The following RABGAP1L variants were observed in gnomAD, a reference collection of about 807,000 sequenced individuals.
The protein encoded by RABGAP1L is RAB GTPase activating protein 1 like.
A neutral mutation model predicts 137.7 loss-of-function variants in RABGAP1L; 63 were observed. The observed-to-expected ratio is 0.46, with a 90% CI of 0.37 to 0.56. The LOEUF (loss-of-function observed/expected upper bound fraction) is 0.56. Ranked by LOEUF, RABGAP1L falls within the 20% of genes least tolerant of loss-of-function variation. The probability of loss-of-function intolerance (pLI) is 0.00; values close to 1 mark genes in which losing one functional copy is unlikely to be tolerated. For missense variants in RABGAP1L, 1,095 were observed against 1,244.0 expected, an observed-to-expected ratio of 0.88 and a Z score of 1.80; for synonymous variants, 431 against 433.7, an observed-to-expected ratio of 0.99 and a Z score of 0.08.
At chr1:174,546,886 C>T (rs914885722) in intron 13 of RABGAP1L, among the ~76,000 whole-genome samples, 97 of 151,260 alleles carry the variant, frequency 6.4e-4, no homozygotes, top group African/African-American at 2.0e-3. Context: ...AAAAATTAGC[C>T]GGGCGTGGTG....
chr1:174,564,946 A>T (rs1270523211), intron 13 of RABGAP1L, among the ~76,000 whole-genome samples: 1 of 152,186 alleles, frequency 6.6e-6, no homozygotes, highest in Non-Finnish European at 1.5e-5. Flanking sequence ...AAGTTATTTT[A>T]TAATATCATG....
intron 19 of RABGAP1L, among the ~76,000 whole-genome samples, chr1:174,838,759 T>TA (rs1401105491): frequency 6.7e-6 from 1 of 150,002 alleles, no homozygotes; most frequent in Non-Finnish European, 1.5e-5. Flanking sequence ...CTACTAAAAA[T>TA]ACAAAAAATT....
chr1:174,891,859 G>A (rs913952018), intron 19 of RABGAP1L, among the ~76,000 whole-genome samples: 4 of 152,034 alleles, frequency 2.6e-5, no homozygotes, highest in African/African-American at 7.2e-5. Flanking sequence ...ATAATATGTT[G>A]ACTATAGAAA....
intron 13 of RABGAP1L, among the ~76,000 whole-genome samples, chr1:174,415,125 T>G (rs1399801375): frequency 6.6e-6 from 1 of 152,156 alleles, no homozygotes; most frequent in Admixed American, 6.5e-5. Flanking sequence ...ATTAATATAT[T>G]GTTCTTTTAA....
intron 19 of RABGAP1L, among the ~76,000 whole-genome samples, chr1:174,909,259 TGTCACC>T (rs1659661677): frequency 6.6e-6 from 1 of 152,072 alleles, no homozygotes. Context: ...GGTCTTACTC[TGTCACC>T]CAGGCTTGAG....
chr1:174,438,873 T>C (rs1319443403), intron 13 of RABGAP1L, among the ~76,000 whole-genome samples: 1 of 150,910 alleles, frequency 6.6e-6, no homozygotes, highest in Non-Finnish European at 1.5e-5. Flanking sequence ...CTACTTTAAA[T>C]GATTTATTGT....
intron 19 of RABGAP1L, among the ~76,000 whole-genome samples, chr1:174,914,020 A>C (rs1194876456): frequency 6.6e-6 from 1 of 152,224 alleles, no homozygotes; most frequent in Non-Finnish European, 1.5e-5. Context: ...TTGTTGCATA[A>C]ATTTTTCTGC....
At chr1:174,860,911 ATG>A (rs544565025) in intron 19 of RABGAP1L, among the ~76,000 whole-genome samples, 15 of 151,016 alleles carry the variant, frequency 9.9e-5, no homozygotes, top group African/African-American at 2.4e-4. Flanking sequence ...CATATAGTTA[ATG>A]TGTGTGTGTG....
chr1:174,225,544 A>G (rs1185784835), intron 3 of RABGAP1L, among the ~76,000 whole-genome samples: 3 of 148,354 alleles, frequency 2.0e-5, no homozygotes, highest in Non-Finnish European at 4.4e-5. Context: ...GGTTGTGTCC[A>G]AACTGCAAGA....
At chr1:174,787,169 G>A (rs1312500991) in intron 18 of RABGAP1L, among the ~76,000 whole-genome samples, 4 of 152,088 alleles carry the variant, frequency 2.6e-5, no homozygotes, top group Admixed American at 6.5e-5. Flanking sequence ...TTGGGAGGCC[G>A]AGGTGGGTGG....
At chr1:174,890,600 A>G (rs1468974473) in intron 19 of RABGAP1L, among the ~76,000 whole-genome samples, 1 of 152,240 alleles carries the variant, frequency 6.6e-6, no homozygotes, top group African/African-American at 2.4e-5. Context: ...ATGAAATGAT[A>G]TCCAGTGAAG....
rs1228596726 is a variant in RABGAP1L, at chr1:174,631,617, T to C, written c.1711-5758T>C. Among the ~76,000 whole-genome samples, 4 of 90,618 alleles carry C rather than the reference T, an allele frequency of 4.4e-5. No individual in the cohort carries two copies. The East Asian group carries it at 1.1e-3, about 26-fold the overall frequency. 59.4% of individuals were successfully genotyped at this position (90,618 alleles called of 152,430 possible). ...ATATATTTAGGATAGTTAGCTCCTC[T>C]TGTTGAATTGATCCCTTTACCATTA... On this transcript the variant is annotated intron_variant, in intron 13 of 25. Coordinates refer to ENST00000681986, the MANE Select transcript of RABGAP1L (RefSeq NM_001366446.1).
chr1:174,678,757 T>C (rs1360567701), intron 14 of RABGAP1L, among the ~76,000 whole-genome samples: 2 of 152,170 alleles, frequency 1.3e-5, no homozygotes, highest in African/African-American at 4.8e-5. Context: ...TGGTGATTGT[T>C]ATAGCTCTAT....
chr1:174,355,335 C>T (rs1441072034), intron 11 of RABGAP1L, among the ~76,000 whole-genome samples: 2 of 151,482 alleles, frequency 1.3e-5, no homozygotes, highest in Admixed American at 1.3e-4. Context: ...AAACTGGAAA[C>T]CATCATTCTC....
At chr1:174,610,801 G>A (rs1307005663) in intron 13 of RABGAP1L, among the ~76,000 whole-genome samples, 1 of 152,126 alleles carries the variant, frequency 6.6e-6, no homozygotes, top group Non-Finnish European at 1.5e-5. Flanking sequence ...TTCTCTGATG[G>A]CCAGTGATGA....
At chr1:174,546,665 G>A (rs555558718) in intron 13 of RABGAP1L, among the ~76,000 whole-genome samples, 1 of 152,268 alleles carries the variant, frequency 6.6e-6, no homozygotes, top group South Asian at 2.1e-4. Flanking sequence ...CATTAGAATT[G>A]CTTTACAAAA....
rs762493241 is a variant in RABGAP1L, at chr1:174,448,379, G to C, written c.1710+54234G>C. 14 of 1,613,590 alleles carry C rather than the reference G, an allele frequency of 8.7e-6. No homozygotes were observed. Among genetic ancestry groups the C allele is most frequent in the Non-Finnish European group, 1.1e-5 (13 of 1,179,706 alleles). Reference sequence around the variant, plus strand: ...GACGATGGCATATGCTGATCTTTTCGTTGGAGTTAGCTGCTTGGTTCCTAC... The same window carrying C: ...GACGATGGCATATGCTGATCTTTTCCTTGGAGTTAGCTGCTTGGTTCCTAC... On this transcript the variant is annotated intron_variant, in intron 13 of 25. Coordinates refer to ENST00000681986, the MANE Select transcript of RABGAP1L (RefSeq NM_001366446.1). The surrounding 1 kb of genome is among the most constrained non-coding windows in gnomAD (Gnocchi z 4.2).
chr1:174,768,335 G>C (rs1449591319), intron 18 of RABGAP1L, among the ~76,000 whole-genome samples: 2 of 152,168 alleles, frequency 1.3e-5, no homozygotes, highest in African/African-American at 2.4e-5. Context: ...GCTTGCGCCA[G>C]GGAAAGGCTG....
Position 174,976,062 on chromosome 1 carries a change from G to A in RABGAP1L, c.2545-16G>A, listed in dbSNP as rs1200469812. ...TATGACTGTGATGTATGACTGTGAT[G>A]CACCATGATTTGCAGGCAGAAGACA... On this transcript the variant is annotated splice_polypyrimidine_tract_variant and intron_variant, in intron 21 of 25. Transcript: ENST00000681986. 8 of 1,489,062 alleles carry A rather than the reference G, an allele frequency of 5.4e-6. No homozygotes were observed. In the African/African-American group the frequency reaches 9.7e-5, roughly 18 times the overall value. 92.2% of individuals were successfully genotyped at this position (1,489,062 alleles called of 1,614,324 possible).
Sources: gnomAD v4.1 joint callset for allele counts (sites outside exome capture counted in the v4.1 genomes callset) on GRCh38, gnomAD v4.1.1 for gene constraint, Gnocchi (gnomAD v3.1) non-coding constraint, MANE v1.5 for transcripts, NCBI Gene and HGNC (gene_info 2026-07-23, HGNC 2026-07-21) for gene names.